The following KIF4A variants were observed in gnomAD, a reference collection of about 807,000 sequenced individuals.
KIF4A encodes chromosome-associated kinesin KIF4A.
In KIF4A, 7 loss-of-function variants were observed where a neutral mutation model predicts 105.9. The observed-to-expected ratio is 0.07, with a 90% confidence interval of 0.04 to 0.12. The LOEUF (loss-of-function observed/expected upper bound fraction) is 0.12, where lower values mean the gene tolerates loss of function less well. KIF4A is among the 10% of genes least tolerant of loss of function. The pLI is 1.00. For missense variants in KIF4A, 558 were observed against 929.2 expected (o/e 0.60, Z 5.19); for synonymous variants, 281 against 331.3 (o/e 0.85, Z 1.65).
chrX:70,300,847 CTTCGT>C (rs1281646035), intron 5 of KIF4A, among the ~76,000 whole-genome samples: 39 of 111,922 alleles, frequency 3.5e-4, no homozygotes, highest in Non-Finnish European at 5.6e-5. Context: ...CTCTTTGTAT[CTTCGT>C]TATCTAGCAC....
intron 20 of KIF4A, among the ~76,000 whole-genome samples, chrX:70,388,142 T>C (rs867480458): frequency 6.2e-4 from 69 of 111,958 alleles, no homozygotes; most frequent in African/African-American, 2.2e-3. Context: ...TCATCTGGAA[T>C]CATACATTAT....
chrX:70,381,419 C>T lies in KIF4A; in HGVS notation c.2035-5199C>T, dbSNP rs555178984. Among the ~76,000 whole-genome samples, 217 of 110,859 alleles carry T rather than the reference C, an allele frequency of 2.0e-3. 2 individuals carry two copies. The South Asian group carries it at 0.054, about 28-fold the overall frequency. On this transcript the variant is annotated intron_variant, in intron 18 of 30. Transcript: ENST00000374403. ...GGGTGTGGTGACAGGCACCTGTAAT[C>T]GCAGCTACTTAGGAGGCTGAGGCAG... is the stretch of plus-strand genomic sequence containing the variant.
intron 25 of KIF4A, among the ~76,000 whole-genome samples, chrX:70,405,052 A>G (rs1035129856): frequency 9.0e-6 from 1 of 111,401 alleles, no homozygotes; most frequent in African/African-American, 3.3e-5. Context: ...CACATACTCC[A>G]TATCAGACTC....
chrX:70,332,946 A>G (rs2085936532), intron 9 of KIF4A, among the ~76,000 whole-genome samples: 1 of 111,679 alleles, frequency 9.0e-6, no homozygotes, highest in South Asian at 3.8e-4. Context: ...CTTCAGGCTT[A>G]TCTTTCTTAA....
chrX:70,325,577 CATT>C (rs1198726775), intron 7 of KIF4A, among the ~76,000 whole-genome samples: 1 of 111,218 alleles, frequency 9.0e-6, no homozygotes, highest in African/African-American at 3.3e-5. Context: ...CATGCCTGGC[CATT>C]ATTATTCTTT....
chrX:70,347,351 T>C (rs779318525), intron 13 of KIF4A, among the ~76,000 whole-genome samples: 5 of 112,208 alleles, frequency 4.5e-5, no homozygotes, highest in Non-Finnish European at 9.4e-5. Context: ...ATAAATCTTA[T>C]TGTCATATAT....
At chrX:70,395,625 A>G in intron 20 of KIF4A, 46 bp from the exon 21 acceptor site, 1 of 1,202,285 alleles carries the variant, frequency 8.3e-7, no homozygotes, top group Non-Finnish European at 1.1e-6. Context: ...CCCATGAGCT[A>G]GTGATTCCTC....
Position 70,330,306 on chromosome X carries a change from G to A in KIF4A, c.1045G>A (p.Ala349Thr). The A allele has an allele frequency of 8.3e-7, 1 of 1,210,818 alleles. No homozygotes were observed. The highest frequency in any genetic ancestry group is 1.1e-6 in the Non-Finnish European group (1 of 894,864). Residue 349 changes from alanine to threonine, a missense_variant, in exon 9 of 31, where the codon GCT becomes ACT. Transcript: ENST00000374403. ...TATTGTTAATATTGATCCCCAGACA[G>A]CTGAACTTAATCATCTAAAGCAACA... ...KPIVNIDPQT[A>T]ELNHLKQQVQ...
At chrX:70,308,818 C>T (rs1395845681) in intron 7 of KIF4A, among the ~76,000 whole-genome samples, 1 of 111,945 alleles carries the variant, frequency 8.9e-6, no homozygotes. Context: ...CCTTGTTGCC[C>T]AGGCTGGTCT....
At position 70,408,393 on chromosome X, in the gene KIF4A, C is replaced by A. The variant is rs770062431; in HGVS notation, c.3255+1318C>A. Among the ~76,000 whole-genome samples the A allele has an allele frequency of 6.3e-5, 7 of 111,680 alleles. No homozygotes were observed. In the South Asian group the frequency reaches 2.6e-3, roughly 42 times the overall value. ...AAGTTAAGGCTACTTAGGAACAATC[C>A]GACTTAGGCATGCTTTATTTTCTTA... On this transcript the variant is annotated intron_variant, in intron 28 of 30. Transcript: ENST00000374403.
At chrX:70,387,320 T>A in intron 20 of KIF4A, 23 bp downstream of exon 20, 2 of 1,086,950 alleles carry the variant, frequency 1.8e-6, no homozygotes, top group Non-Finnish European at 2.5e-6. Context: ...TGAACTGCCA[T>A]TTCTCTTGTG....
rs187198317 is a variant in KIF4A, at chrX:70,334,842, A to T, written c.1133+1153A>T. 6.2e-5 allele frequency among the ~76,000 whole-genome samples: 7 copies of T among 112,062 alleles called. No homozygotes were observed. The East Asian group carries it at 2.0e-3, about 31-fold the overall frequency. ...GAGATATCACCTCATGCCCATTAGGATGGCTACTGTTAAATAAATAAATAG... is the reference window on the plus strand; with the variant it reads ...GAGATATCACCTCATGCCCATTAGGTTGGCTACTGTTAAATAAATAAATAG... On this transcript the variant is annotated intron_variant, in intron 10 of 30. Transcript: ENST00000374403.
At chrX:70,335,614 A>G (rs931641990) in intron 10 of KIF4A, among the ~76,000 whole-genome samples, 1 of 111,757 alleles carries the variant, frequency 8.9e-6, no homozygotes. Flanking sequence ...TATTATATGG[A>G]TGTGTTGTGT....
chrX:70,322,551 T>C (rs1298562751), intron 7 of KIF4A, among the ~76,000 whole-genome samples: 2 of 108,991 alleles, frequency 1.8e-5, no homozygotes, highest in Non-Finnish European at 3.8e-5. Context: ...GACCTCGTGA[T>C]CCACCCACCT....
chrX:70,382,563 T>A (rs2086201205), intron 18 of KIF4A, among the ~76,000 whole-genome samples: 1 of 112,468 alleles, frequency 8.9e-6, no homozygotes, highest in South Asian at 3.6e-4. Context: ...TAGACAATGA[T>A]TTCTTAGATG....
At chrX:70,332,915 A>G (rs1169876869) in intron 9 of KIF4A, among the ~76,000 whole-genome samples, 1 of 111,677 alleles carries the variant, frequency 9.0e-6, no homozygotes, top group Non-Finnish European at 1.9e-5. Context: ...TCTGTCTTGT[A>G]TTATTTCCTA....
chrX:70,330,508 G>A (rs1327787276), intron 9 of KIF4A, among the ~76,000 whole-genome samples, 176 bp downstream of exon 9: 1 of 111,761 alleles, frequency 8.9e-6, no homozygotes, highest in Non-Finnish European at 1.9e-5. Context: ...ATTTAAGATT[G>A]GGGGTAGCAT....
chrX:70,411,545 TCTAAAGCAG>T, intron 28 of KIF4A, among the ~76,000 whole-genome samples: 1 of 110,387 alleles, frequency 9.1e-6, no homozygotes, highest in Middle Eastern at 4.6e-3. Flanking sequence ...AATTATGGAC[TCTAAAGCAG>T]TAGTTCTCAA....
At chrX:70,372,709 C>A (rs1305316370) in intron 15 of KIF4A, among the ~76,000 whole-genome samples, 1 of 112,280 alleles carries the variant, frequency 8.9e-6, no homozygotes, top group African/African-American at 3.2e-5. Flanking sequence ...GGCTAGACTT[C>A]GTTTTCCAAA....
Sources: gnomAD v4.1 joint callset for allele counts (sites outside exome capture counted in the v4.1 genomes callset) on GRCh38, gnomAD v4.1.1 for gene constraint, MANE v1.5 for transcripts, NCBI Gene and HGNC (gene_info 2026-07-23, HGNC 2026-07-21) for gene names.